SYTL5: variants seen among roughly 807,000 people sequenced by gnomAD.
SYTL5 encodes the protein synaptotagmin-like protein 5.
A neutral mutation model predicts 55.9 loss-of-function variants in SYTL5; 34 were observed. The ratio of observed to expected loss-of-function variants is 0.61; its 90% confidence interval spans 0.46 to 0.81. The LOEUF (loss-of-function observed/expected upper bound fraction) is 0.81. Ranked by LOEUF, SYTL5 falls within the 30% of genes least tolerant of loss-of-function variation. The probability of loss-of-function intolerance (pLI) is 0.00; values close to 1 mark genes in which losing one functional copy is unlikely to be tolerated. For missense variants in SYTL5, 637 were observed against 546.7 expected (o/e 1.17, Z -1.65); for synonymous variants, 221 against 188.7 (o/e 1.17, Z -1.40).
chrX:38,077,473 G>T (rs1002387877), intron 6 of SYTL5, among the ~76,000 whole-genome samples: 1 of 110,878 alleles, frequency 9.0e-6, no homozygotes. Context: ...TTCTCCTTAG[G>T]TTAGGAAGAA....
At chrX:37,914,812 A>T in the SYTL5 span, among the ~76,000 whole-genome samples, 1,015 of 112,148 alleles carry the variant, frequency 9.1e-3, 10 homozygotes, top group African/African-American at 0.031. Flanking sequence ...CCTCAGTGAA[A>T]AGCCTCCTCT....
chrX:38,117,781 C>T (rs754435491), intron 13 of SYTL5, among the ~76,000 whole-genome samples: 10 of 111,961 alleles, frequency 8.9e-5, no homozygotes, highest in African/African-American at 1.3e-4. Flanking sequence ...CACCTACATG[C>T]GGCTTCTCTC....
At position 38,111,097 on chromosome X, in the gene SYTL5, C is replaced by T. The variant is rs184090948; in HGVS notation, c.1596+615C>T. Among the ~76,000 whole-genome samples, 38 of 111,872 alleles carry T rather than the reference C, an allele frequency of 3.4e-4. No homozygotes were observed. The East Asian group carries it at 9.8e-3, about 29-fold the overall frequency. ...ACTTTAAGTGACTGGAGTCTCTATG[C>T]ATTTACAGTACTTTTTAAGCCAAAA... On this transcript the variant is annotated intron_variant, in intron 13 of 16. Coordinates refer to ENST00000297875, the MANE Select transcript of SYTL5 (RefSeq NM_138780.3).
Position 38,070,054 on chromosome X carries a change from A to T in SYTL5, c.330-1993A>T, listed in dbSNP as rs189593738. On this transcript the variant is annotated intron_variant, in intron 3 of 16. Transcript: ENST00000297875. ...TTGGGAGTAAATCTATGGTAGACAA[A>T]CTATGGTCTTACCTTTCAATGAATA... Among the ~76,000 whole-genome samples the T allele has an allele frequency of 3.6e-4, 40 of 111,775 alleles. No individual in the cohort carries two copies. In the East Asian group the frequency reaches 5.6e-3, roughly 16 times the overall value.
intron 3 of SYTL5, among the ~76,000 whole-genome samples, chrX:38,061,674 C>G (rs1387295774): frequency 1.8e-5 from 2 of 112,017 alleles, no homozygotes; most frequent in Non-Finnish European, 3.8e-5. Flanking sequence ...ATGGGCTGAG[C>G]AGGCCCTGAC....
At chrX:37,994,855 A>T in the SYTL5 span, 1 of 110,852 alleles carries the variant, frequency 9.0e-6, no homozygotes, top group Admixed American at 9.6e-5. Context: ...CATAGATGAA[A>T]GACCCCAGGT....
intron 16 of SYTL5, 36 bp from the exon 17 acceptor site, chrX:38,126,552 T>A: frequency 8.3e-7 from 1 of 1,205,760 alleles, no homozygotes; most frequent in Non-Finnish European, 1.1e-6. Context: ...AAGCATTTCA[T>A]GTGTGACATA....
chrX:38,083,663 C>A (rs35331964), intron 6 of SYTL5, among the ~76,000 whole-genome samples: 2,010 of 110,192 alleles, frequency 0.018, 46 homozygotes, highest in African/African-American at 0.062. Context: ...TTGAAGTGAT[C>A]CTATGATGGC....
At chrX:37,927,395 G>A in the SYTL5 span, among the ~76,000 whole-genome samples, 3 of 111,635 alleles carry the variant, frequency 2.7e-5, no homozygotes, top group African/African-American at 9.8e-5. Context: ...ATTCTTATGA[G>A]AGACTAAAGC....
chrX:38,128,347 T>A lies in SYTL5; in HGVS notation c.*1617T>A. 9.0e-6 allele frequency: 1 copy of A among 111,719 alleles called. No homozygotes were observed. Among genetic ancestry groups the A allele is most frequent in the South Asian group, 3.8e-4 (1 of 2,660 alleles). 9.2% of individuals were successfully genotyped at this position (111,719 alleles called of 1,213,427 possible). A position where few individuals can be genotyped will look rare whatever the true frequency, so the allele number is the denominator to read the frequency against. ...TATTAGGTAGATAAAAGGGCTTATG[T>A]CAAGAAATTTGGAGCAGAGTCTGAT... is the stretch of plus-strand genomic sequence containing the variant. On this transcript the variant is annotated 3_prime_UTR_variant, in exon 17 of 17. Coordinates refer to ENST00000297875, the MANE Select transcript of SYTL5 (RefSeq NM_138780.3).
intron 4 of SYTL5, among the ~76,000 whole-genome samples, chrX:38,072,974 C>T (rs1323015580): frequency 1.8e-5 from 2 of 111,413 alleles, no homozygotes; most frequent in Admixed American, 1.9e-4. Context: ...GCACATATGG[C>T]GAGAAGGCTT....
chrX:37,974,283 C>A, the SYTL5 span, among the ~76,000 whole-genome samples: 1 of 112,218 alleles, frequency 8.9e-6, no homozygotes, highest in Admixed American at 9.4e-5. Context: ...ATACGTACTG[C>A]AACATGAATG....
At chrX:37,910,680 G>T in the SYTL5 span, among the ~76,000 whole-genome samples, 1 of 112,403 alleles carries the variant, frequency 8.9e-6, no homozygotes, top group East Asian at 2.8e-4. Flanking sequence ...CTGTCTAGAT[G>T]AGTGGTTCTC....
the SYTL5 span, among the ~76,000 whole-genome samples, chrX:37,963,442 A>G: frequency 1.8e-5 from 2 of 110,047 alleles, no homozygotes; most frequent in African/African-American, 6.6e-5. Context: ...GCATGTGCCA[A>G]CACGCCCGGC....
At chrX:38,118,847 T>C in intron 13 of SYTL5, among the ~76,000 whole-genome samples, 1 of 107,876 alleles carries the variant, frequency 9.3e-6, no homozygotes, top group Non-Finnish European at 1.9e-5. Flanking sequence ...CTCAAATTTC[T>C]GGGCTCAAGC....
the SYTL5 span, among the ~76,000 whole-genome samples, chrX:37,968,467 A>G: frequency 1.8e-5 from 2 of 111,529 alleles, no homozygotes; most frequent in East Asian, 5.6e-4. Flanking sequence ...AGGATAGCAG[A>G]TTTGATAAGG....
At chrX:38,107,764 C>T (rs984407055) in intron 11 of SYTL5, among the ~76,000 whole-genome samples, 2 of 111,833 alleles carry the variant, frequency 1.8e-5, no homozygotes, top group Non-Finnish European at 3.8e-5. Flanking sequence ...CTAAGATAGA[C>T]AAATGAGTGG....
At chrX:38,096,621 C>G (rs1936945982) in intron 9 of SYTL5, among the ~76,000 whole-genome samples, 1 of 111,153 alleles carries the variant, frequency 9.0e-6, no homozygotes, top group Non-Finnish European at 1.9e-5. Flanking sequence ...AAATTCACTT[C>G]TAAACTGAGA....
At chrX:38,114,323 G>C (rs1214663988) in intron 13 of SYTL5, among the ~76,000 whole-genome samples, 4 of 111,793 alleles carry the variant, frequency 3.6e-5, no homozygotes, top group Non-Finnish European at 7.5e-5. Flanking sequence ...GACCAGGTAA[G>C]AGCCACCTCT....
Sources: allele counts gnomAD v4.1 joint callset (sites outside exome capture counted in the v4.1 genomes callset), GRCh38; gene constraint gnomAD v4.1.1; transcripts MANE v1.5; gene names NCBI Gene and HGNC (gene_info 2026-07-23, HGNC 2026-07-21).